The following PALM2AKAP2 variants were observed in gnomAD, a reference collection of about 807,000 sequenced individuals.
The protein encoded by PALM2AKAP2 is PALM2-AKAP2 fusion protein.
PALM2AKAP2 carries 37 observed loss-of-function variants against 71.5 expected under a neutral mutation model. The ratio of observed to expected loss-of-function variants is 0.52; its 90% confidence interval spans 0.40 to 0.68. The LOEUF is 0.68. Among genes scored for constraint, PALM2AKAP2 ranks in the 30% least tolerant of loss-of-function variants. PALM2AKAP2 has a pLI of 0.00. For missense variants in PALM2AKAP2, 1,224 were observed against 1,191.8 expected, an observed-to-expected ratio of 1.03 and a Z score of -0.40; for synonymous variants, 468 against 478.8, an observed-to-expected ratio of 0.98 and a Z score of 0.29.
chr9:110,078,440 A>G (rs1383488003), intron 1 of PALM2AKAP2, among the ~76,000 whole-genome samples: 1 of 152,134 alleles, frequency 6.6e-6, no homozygotes, highest in Non-Finnish European at 1.5e-5. Flanking sequence ...ATTCTTATCT[A>G]TTTTTAAATA....
intron 1 of PALM2AKAP2, among the ~76,000 whole-genome samples, chr9:109,745,514 G>A (rs1370642172): frequency 1.3e-5 from 2 of 151,780 alleles, no homozygotes; most frequent in Non-Finnish European, 2.9e-5. Flanking sequence ...GTGTGTGTGT[G>A]TAGGAATAGG....
At chr9:109,976,889 G>T (rs1832181168) in intron 6 of PALM2AKAP2, among the ~76,000 whole-genome samples, 1 of 152,204 alleles carries the variant, frequency 6.6e-6, no homozygotes, top group Admixed American at 6.5e-5. Context: ...GGATGCCACA[G>T]TGTGAACCGC....
intron 3 of PALM2AKAP2, 134 bp from the exon 10 acceptor site, chr9:110,161,960 A>G: frequency 8.8e-7 from 1 of 1,132,830 alleles, no homozygotes. Flanking sequence ...AAGTTTTGGC[A>G]TGGGTGTAGA....
intron 1 of PALM2AKAP2, among the ~76,000 whole-genome samples, chr9:110,133,934 T>A (rs2119080408): frequency 6.6e-6 from 1 of 152,342 alleles, no homozygotes; most frequent in Middle Eastern, 3.4e-3. Context: ...TAATGCTTAA[T>A]GATATATGAG....
intron 6 of PALM2AKAP2, among the ~76,000 whole-genome samples, chr9:109,989,135 G>A (rs1345329071): frequency 2.0e-5 from 3 of 152,114 alleles, no homozygotes; most frequent in Non-Finnish European, 4.4e-5. Context: ...TGTGTTGAGA[G>A]GTCAAAAATT....
exon 3 of PALM2AKAP2, chr9:110,156,473 G>T: frequency 6.2e-7 from 1 of 1,609,120 alleles, no homozygotes; most frequent in Non-Finnish European, 8.5e-7. Flanking sequence ...AATCTAAAAG[G>T]CGCGAGAGAA....
intron 3 of PALM2AKAP2, among the ~76,000 whole-genome samples, chr9:109,897,809 C>T (rs983336785): frequency 9.9e-5 from 15 of 152,248 alleles, no homozygotes; most frequent in African/African-American, 3.6e-4. Flanking sequence ...TGAGACAGGG[C>T]AGGATTCCTA....
intron 6 of PALM2AKAP2, among the ~76,000 whole-genome samples, chr9:110,010,852 C>T (rs965457383): frequency 2.0e-4 from 30 of 147,844 alleles, no homozygotes; most frequent in Admixed American, 4.0e-4. Context: ...CAAAATTAGC[C>T]GGGCATGGTG....
At chr9:109,921,969 C>T (rs933762196) in intron 3 of PALM2AKAP2, among the ~76,000 whole-genome samples, 3 of 151,980 alleles carry the variant, frequency 2.0e-5, no homozygotes, top group East Asian at 3.8e-4. Flanking sequence ...TTTCTGACAC[C>T]CAGGAAGGAA....
intron 1 of PALM2AKAP2, among the ~76,000 whole-genome samples, chr9:109,762,756 A>T (rs1447041981): frequency 6.6e-6 from 1 of 152,206 alleles, no homozygotes; most frequent in African/African-American, 2.4e-5. Flanking sequence ...GGGAAATTTT[A>T]AAAAGGAAAA....
chr9:109,662,195 A>G (rs1460269445), intron 1 of PALM2AKAP2, among the ~76,000 whole-genome samples: 1 of 152,168 alleles, frequency 6.6e-6, no homozygotes, highest in African/African-American at 2.4e-5. Context: ...CAGAACTTCC[A>G]ACACTATGTT....
intron 1 of PALM2AKAP2, among the ~76,000 whole-genome samples, chr9:109,773,585 G>T (rs1006203503): frequency 6.6e-6 from 1 of 152,198 alleles, no homozygotes; most frequent in African/African-American, 2.4e-5. Flanking sequence ...AAACTTATAA[G>T]AATCTAATGG....
At chr9:110,116,686 T>G (rs566928183) in intron 1 of PALM2AKAP2, among the ~76,000 whole-genome samples, 1 of 152,334 alleles carries the variant, frequency 6.6e-6, no homozygotes, top group South Asian at 2.1e-4. Context: ...TTTCACAACT[T>G]TTCTGGGAAC....
intron 1 of PALM2AKAP2, among the ~76,000 whole-genome samples, chr9:110,061,750 G>A (rs1564285103): frequency 7.1e-6 from 1 of 140,074 alleles, no homozygotes; most frequent in African/African-American, 3.3e-5. Context: ...TGTTGGCCAG[G>A]CTGGTCTCGA....
chr9:110,038,618 G>A (rs1197298125), intron 7 of PALM2AKAP2, among the ~76,000 whole-genome samples: 2 of 151,840 alleles, frequency 1.3e-5, no homozygotes, highest in East Asian at 1.9e-4. Context: ...GAATTGAGGT[G>A]GTAGGATCAA....
intron 1 of PALM2AKAP2, among the ~76,000 whole-genome samples, chr9:110,084,045 G>A (rs1243161938): frequency 6.6e-6 from 1 of 152,230 alleles, no homozygotes; most frequent in African/African-American, 2.4e-5. Flanking sequence ...CATGCCAGAG[G>A]CTCAGGAAGT....
intron 1 of PALM2AKAP2, among the ~76,000 whole-genome samples, chr9:109,715,332 C>T (rs1828300911): frequency 6.6e-6 from 1 of 152,182 alleles, no homozygotes; most frequent in African/African-American, 2.4e-5. Flanking sequence ...CAGTCCGTGG[C>T]ACCTGGGAGG....
At chr9:110,168,346 G>T in intron 3 of PALM2AKAP2, 53 bp from the exon 11 acceptor site, 1 of 1,586,846 alleles carries the variant, frequency 6.3e-7, no homozygotes, top group Non-Finnish European at 8.6e-7. Flanking sequence ...GTCGGTTTAT[G>T]TTCATAATTA....
chr9:110,042,270 T>C (rs1267352844), intron 7 of PALM2AKAP2, among the ~76,000 whole-genome samples: 1 of 152,130 alleles, frequency 6.6e-6, no homozygotes, highest in Non-Finnish European at 1.5e-5. Flanking sequence ...CTACTAAGAA[T>C]GCAAAATTAG....
Sources: allele counts gnomAD v4.1 joint callset (sites outside exome capture counted in the v4.1 genomes callset), GRCh38; gene constraint gnomAD v4.1.1; transcripts MANE v1.5; gene names NCBI Gene and HGNC (gene_info 2026-07-23, HGNC 2026-07-21).